TRDN: variants seen among roughly 807,000 people sequenced by gnomAD.
TRDN encodes the protein triadin in skeletal muscle.
A neutral mutation model predicts 149.7 loss-of-function variants in TRDN; 161 were observed. The observed-to-expected ratio is 1.08, with a 90% CI of 0.95 to 1.23. The LOEUF (loss-of-function observed/expected upper bound fraction) is 1.23, where lower values mean the gene tolerates loss of function less well. TRDN is among the 50% of genes most tolerant of loss of function. TRDN has a pLI of 0.00. For missense variants in TRDN, 896 were observed against 823.5 expected, an observed-to-expected ratio of 1.09 and a Z score of -1.08; for synonymous variants, 294 against 250.5, an observed-to-expected ratio of 1.17 and a Z score of -1.64.
At chr6:123,230,389 C>G (rs548007855) in intron 38 of TRDN, among the ~76,000 whole-genome samples, 1 of 151,358 alleles carries the variant, frequency 6.6e-6, no homozygotes, top group African/African-American at 2.4e-5. Context: ...GCCTGTCTTG[C>G]GGTGGGAGGA....
At chr6:123,276,089 C>G (rs564978508) in intron 26 of TRDN, among the ~76,000 whole-genome samples, 67 of 152,130 alleles carry the variant, frequency 4.4e-4, no homozygotes, top group African/African-American at 1.5e-3. Flanking sequence ...TTTATAATGG[C>G]CTTGTTCCCA....
At chr6:123,261,775 A>G (rs1223602821) in intron 33 of TRDN, among the ~76,000 whole-genome samples, 3 of 151,906 alleles carry the variant, frequency 2.0e-5, no homozygotes, top group Non-Finnish European at 2.9e-5. Context: ...ATGATGTTTC[A>G]TATTAGCATT....
At chr6:123,587,127 G>A (rs1292412503) in intron 1 of TRDN, among the ~76,000 whole-genome samples, 1 of 152,090 alleles carries the variant, frequency 6.6e-6, no homozygotes, top group East Asian at 1.9e-4. Flanking sequence ...GAAGGGGTTG[G>A]GGTACTTGCC....
At chr6:123,617,612 G>C (rs946484202) in intron 1 of TRDN, among the ~76,000 whole-genome samples, 3 of 152,090 alleles carry the variant, frequency 2.0e-5, no homozygotes, top group African/African-American at 7.2e-5. Flanking sequence ...TGTATCATTA[G>C]TTGTCACAAT....
rs185781661 is a variant in TRDN at position 123,458,591 on chromosome 6, C to T, written c.931+6315G>A. On this transcript the variant is annotated intron_variant, in intron 10 of 40. Coordinates refer to ENST00000334268, the MANE Select transcript of TRDN (RefSeq NM_006073.4). ...TACTAGCCCCTGCAGCTGCATCAGC[C>T]AATCCTTTAACATAAATAATATTTT... is the stretch of plus-strand genomic sequence containing the variant. 5.4e-4 allele frequency among the ~76,000 whole-genome samples: 82 copies of T among 152,222 alleles called. 2 individuals are homozygous for T. In the East Asian group the frequency reaches 0.013, roughly 25 times the overall value.
chr6:123,578,639 C>T lies in TRDN; in HGVS notation c.23-7507G>A, dbSNP rs78665991. ...CTTAGGATTGTCTTGGCTATTTGGG[C>T]CCTTATTTTGGTTTTATACATATTT... On this transcript the variant is annotated intron_variant, in intron 1 of 40. Transcript: ENST00000334268. 9.8e-3 allele frequency among the ~76,000 whole-genome samples: 1,487 copies of T among 152,050 alleles called. 10 individuals are homozygous for T. Among genetic ancestry groups the T allele is most frequent in the African/African-American group, 0.019 (775 of 41,486 alleles).
chr6:123,251,770 C>T (rs1165982395), intron 38 of TRDN, among the ~76,000 whole-genome samples: 5 of 151,750 alleles, frequency 3.3e-5, no homozygotes, highest in Non-Finnish European at 7.4e-5. Context: ...CAGTTATATC[C>T]TATATACATA....
chr6:123,350,097 T>C (rs1316952586), intron 21 of TRDN: 1 of 976,874 alleles, frequency 1.0e-6, no homozygotes, highest in Non-Finnish European at 1.2e-6. Flanking sequence ...GCTCCAACTT[T>C]ATACTTAATA....
chr6:123,568,234 C>T (rs1423058064), intron 2 of TRDN, among the ~76,000 whole-genome samples: 1 of 152,234 alleles, frequency 6.6e-6, no homozygotes, highest in East Asian at 1.9e-4. Context: ...AGGAATTGGG[C>T]AGCTCTACCG....
At chr6:123,270,319 C>A (rs1420164341) in intron 30 of TRDN, among the ~76,000 whole-genome samples, 1 of 151,902 alleles carries the variant, frequency 6.6e-6, no homozygotes, top group Non-Finnish European at 1.5e-5. Flanking sequence ...ATAAACTAGT[C>A]TATAATTTCT....
intron 21 of TRDN, chr6:123,350,225 A>G (rs1780407899): frequency 1.0e-6 from 1 of 966,440 alleles, no homozygotes; most frequent in Non-Finnish European, 1.2e-6. Context: ...GTGATTTTTA[A>G]TTCTTAAGAG....
chr6:123,622,754 A>G (rs531210691), intron 1 of TRDN, among the ~76,000 whole-genome samples: 8 of 152,176 alleles, frequency 5.3e-5, no homozygotes, highest in South Asian at 2.1e-4. Flanking sequence ...GCTCAGTATT[A>G]CCTAACAACT....
At chr6:123,254,592 T>C (rs748896632) in intron 37 of TRDN, among the ~76,000 whole-genome samples, 5 of 152,028 alleles carry the variant, frequency 3.3e-5, no homozygotes, top group Admixed American at 6.6e-5. Context: ...ATCAGCAAAA[T>C]AGATCATTCT....
intron 1 of TRDN, among the ~76,000 whole-genome samples, chr6:123,593,282 A>G (rs1460707724): frequency 6.6e-6 from 1 of 152,228 alleles, no homozygotes; most frequent in African/African-American, 2.4e-5. Flanking sequence ...TTTCTGAGAA[A>G]TATTCCATCA....
At chr6:123,265,959 A>G (rs1313527540) in intron 32 of TRDN, among the ~76,000 whole-genome samples, 1 of 146,146 alleles carries the variant, frequency 6.8e-6, no homozygotes, top group Non-Finnish European at 1.5e-5. Flanking sequence ...CTATTTCTTC[A>G]TAAAAAGTAG....
intron 38 of TRDN, among the ~76,000 whole-genome samples, chr6:123,238,882 C>T (rs1775884722): frequency 6.6e-6 from 1 of 152,132 alleles, no homozygotes; most frequent in Admixed American, 6.6e-5. Flanking sequence ...CACTCTTTGG[C>T]CAGGCTGGAG....
chr6:123,594,252 TTAAA>T (rs541599350), intron 1 of TRDN, among the ~76,000 whole-genome samples: 220 of 152,272 alleles, frequency 1.4e-3, no homozygotes, highest in Admixed American at 3.9e-3. Flanking sequence ...ATTAGATTCT[TTAAA>T]TAAGATTTTA....
intron 9 of TRDN, among the ~76,000 whole-genome samples, chr6:123,476,929 A>C (rs1777510867): frequency 1.3e-5 from 2 of 149,730 alleles, no homozygotes; most frequent in African/African-American, 2.5e-5. Flanking sequence ...TTAAAGACTT[A>C]AACGTTAGAC....
rs926667162 is a variant in TRDN, at chr6:123,319,836, T to A, written c.1472-3341A>T. ...GCACTGACTTTTCCAGGCTGTTGAT[T>A]TCATTTGTGAAATGTAAATTGCTGA... On this transcript the variant is annotated intron_variant, in intron 23 of 40. Transcript: ENST00000334268. Among the ~76,000 whole-genome samples the A allele has an allele frequency of 2.0e-5, 3 of 152,106 alleles. 1 individual carries two copies. In the South Asian group the frequency reaches 6.2e-4, roughly 31 times the overall value.
Sources: gnomAD v4.1 joint callset for allele counts (sites outside exome capture counted in the v4.1 genomes callset) on GRCh38, gnomAD v4.1.1 for gene constraint, MANE v1.5 for transcripts, NCBI Gene and HGNC (gene_info 2026-07-23, HGNC 2026-07-21) for gene names.